TMCO6: variants seen among roughly 807,000 people sequenced by gnomAD.
TMCO6 encodes the protein transmembrane and coiled-coil domains 6, also known as transmembrane and coiled-coil domain-containing protein 6.
TMCO6 carries 47 observed loss-of-function variants against 61.8 expected under a neutral mutation model. The ratio of observed to expected loss-of-function variants is 0.76; its 90% CI spans 0.60 to 0.97. The LOEUF (loss-of-function observed/expected upper bound fraction) is 0.97. Among genes scored for constraint, TMCO6 ranks in the 50% least tolerant of loss-of-function variants. The probability of loss-of-function intolerance (pLI) is 0.00; values close to 1 mark genes in which losing one functional copy is unlikely to be tolerated. For missense variants in TMCO6, 557 were observed against 601.6 expected, an observed-to-expected ratio of 0.93 and a Z score of 0.78; for synonymous variants, 261 against 254.2, an observed-to-expected ratio of 1.03 and a Z score of -0.25.
the TMCO6 span, among the ~76,000 whole-genome samples, chr5:140,599,214 A>G: frequency 1.7e-3 from 254 of 152,232 alleles, 3 homozygotes; most frequent in Middle Eastern, 0.01. Flanking sequence ...CATTCCATGG[A>G]CCCAGGTGGC....
chr5:140,635,468 T>TCAGGC (rs1756748161), upstream of TMCO6, among the ~76,000 whole-genome samples: 1 of 152,212 alleles, frequency 6.6e-6, no homozygotes, highest in Non-Finnish European at 1.5e-5. Flanking sequence ...TTCAGAGAAC[T>TCAGGC]CAGGCCACTG....
At chr5:140,607,717 A>AT in the TMCO6 span, among the ~76,000 whole-genome samples, 57 of 149,524 alleles carry the variant, frequency 3.8e-4, no homozygotes, top group Middle Eastern at 0.017. Context: ...CTTGTTTCCA[A>AT]TTTTTTTTAT....
the TMCO6 span, among the ~76,000 whole-genome samples, chr5:140,623,625 T>G: frequency 2.6e-5 from 4 of 152,260 alleles, no homozygotes; most frequent in African/African-American, 4.8e-5. Context: ...GCGAAATGTA[T>G]CTATGCTCAC....
the TMCO6 span, among the ~76,000 whole-genome samples, chr5:140,622,330 T>G: frequency 4.6e-5 from 7 of 152,190 alleles, no homozygotes; most frequent in Non-Finnish European, 1.0e-4. Context: ...TTTTGTGACT[T>G]CTTAATGTTG....
At position 140,644,144 on chromosome 5, in the gene TMCO6, A is replaced by C; in HGVS notation, c.1150A>C (p.Ile384Leu). 6.2e-7 allele frequency: 1 copy of C among 1,614,128 alleles called. No homozygotes were observed. The highest frequency in any genetic ancestry group is 2.2e-5 in the East Asian group (1 of 44,874). Reference sequence around the variant, plus strand: ...TACCTCCTTGCTCTCCCTGGATCTGATTGAGCCTCTCTTACAGCTGTTGCC... The same window carrying C: ...TACCTCCTTGCTCTCCCTGGATCTGCTTGAGCCTCTCTTACAGCTGTTGCC... ...FCTSLLSLDL[I>L]EPLLQLLPVS... Residue 384 changes from isoleucine (I) to leucine (L), a missense_variant, in exon 10 of 12, where the codon ATT becomes CTT. Ile to Leu is a conservative substitution (Grantham distance 5, BLOSUM62 2). Coordinates refer to ENST00000394671, the MANE Select transcript of TMCO6 (RefSeq NM_018502.5).
At chr5:140,605,076 A>C in the TMCO6 span, among the ~76,000 whole-genome samples, 1 of 152,202 alleles carries the variant, frequency 6.6e-6, no homozygotes, top group South Asian at 2.1e-4. Flanking sequence ...ATTGTATTCC[A>C]AGGAATTTTA....
At chr5:140,631,963 C>T in the TMCO6 span, 401 of 1,613,654 alleles carry the variant, frequency 2.5e-4, 1 homozygote, top group African/African-American at 4.1e-3. Flanking sequence ...ATTGAGCCCT[C>T]GTGGGGGAGG....
At chr5:140,632,310 T>C in the TMCO6 span, 2 of 1,614,020 alleles carry the variant, frequency 1.2e-6, no homozygotes, top group East Asian at 2.2e-5. This position sits in a 1 kb window ranked among gnomAD's most constrained non-coding sequence, Gnocchi z 6.2. Flanking sequence ...CGCTAGATTC[T>C]GGATGGCCGG....
Position 140,639,476 on chromosome 5 carries a change from C to G in TMCO6, c.-52C>G. 1.3e-6 allele frequency: 2 copies of G among 1,527,022 alleles called. No homozygotes were observed. The highest frequency in any genetic ancestry group is 1.8e-6 in the Non-Finnish European group (2 of 1,126,910). The allele number at this position is 1,527,022 out of a possible 1,614,324, so 94.6% of individuals were successfully genotyped here. A position where few individuals can be genotyped will look rare whatever the true frequency, so the allele number is the denominator to read the frequency against. On this transcript the variant is annotated 5_prime_UTR_variant, in exon 1 of 12. Transcript: ENST00000394671. ...GCAGTCGGTGCCATCTTCTACGCCC[C>G]TGGGAGCGTTGTGGCTGCTGTTTCC...
chr5:140,633,232 T>C, the TMCO6 span: 1 of 870,738 alleles, frequency 1.1e-6, no homozygotes, highest in South Asian at 1.5e-5. Flanking sequence ...TTCAGTTCCC[T>C]CCTCTGTGAA....
At chr5:140,622,788 G>A in the TMCO6 span, among the ~76,000 whole-genome samples, 1 of 151,172 alleles carries the variant, frequency 6.6e-6, no homozygotes, top group African/African-American at 2.4e-5. Flanking sequence ...ATGGGGAAAC[G>A]TTTTTGGACA....
At chr5:140,647,426 T>G (rs777882601), downstream of TMCO6, 1 of 1,609,220 alleles carries the variant, frequency 6.2e-7, no homozygotes, top group Admixed American at 1.7e-5. Context: ...TTCAGGGAGG[T>G]CGAGGTCGTG....
chr5:140,632,848 A>C, the TMCO6 span: 1 of 1,614,086 alleles, frequency 6.2e-7, no homozygotes, highest in South Asian at 1.1e-5. The surrounding 1 kb of genome is among the most constrained non-coding windows in gnomAD (Gnocchi z 6.2). Context: ...AAGGCTTCGG[A>C]CCAGTCGGGC....
chr5:140,622,461 A>T, the TMCO6 span, among the ~76,000 whole-genome samples: 1 of 152,106 alleles, frequency 6.6e-6, no homozygotes, highest in East Asian at 1.9e-4. Context: ...ACAGGAGTGG[A>T]GGTGTTAGGG....
the TMCO6 span, among the ~76,000 whole-genome samples, chr5:140,604,932 T>G: frequency 3.3e-5 from 5 of 152,138 alleles, no homozygotes; most frequent in African/African-American, 1.2e-4. Context: ...TCCTATACAG[T>G]TGTTCTGTGT....
chr5:140,647,192 C>G (rs1478273104), downstream of TMCO6: 3 of 1,493,422 alleles, frequency 2.0e-6, no homozygotes, highest in East Asian at 6.9e-5. Flanking sequence ...CTTGGGCGGT[C>G]CCTTCTCTTC....
At chr5:140,630,736 A>T in the TMCO6 span, among the ~76,000 whole-genome samples, 1 of 152,212 alleles carries the variant, frequency 6.6e-6, no homozygotes, top group African/African-American at 2.4e-5. Context: ...GTTTTCTGAC[A>T]TATTTTGAGT....
downstream of TMCO6, among the ~76,000 whole-genome samples, chr5:140,646,154 G>A (rs1757386087): frequency 6.6e-6 from 1 of 151,964 alleles, no homozygotes; most frequent in South Asian, 2.1e-4. Flanking sequence ...GGGATTACAG[G>A]TGCCCGCCAC....
intron 10 of TMCO6, 114 bp from the exon 11 acceptor site, chr5:140,644,459 T>G (rs1362287356): frequency 7.9e-7 from 1 of 1,272,334 alleles, no homozygotes; most frequent in African/African-American, 1.5e-5. Flanking sequence ...AGAACATGTA[T>G]GTAGAAGAGC....
Sources: gnomAD v4.1 joint callset for allele counts (sites outside exome capture counted in the v4.1 genomes callset) on GRCh38, gnomAD v4.1.1 for gene constraint, Gnocchi (gnomAD v3.1) non-coding constraint, MANE v1.5 for transcripts, NCBI Gene and HGNC (gene_info 2026-07-23, HGNC 2026-07-21) for gene names.